Variants in PCTP observed in about 807,000 individuals in gnomAD.
PCTP encodes the protein phosphatidylcholine transfer protein, also known as START domain-containing protein 2.
A neutral mutation model predicts 31.0 loss-of-function variants in PCTP; 27 were observed. The ratio of observed to expected loss-of-function variants is 0.87; its 90% CI spans 0.64 to 1.20. PCTP has a LOEUF of 1.20. Ranked by LOEUF, PCTP falls within the 50% of genes most tolerant of loss-of-function variation. The pLI is 0.00. For synonymous variants in PCTP, 108 were observed against 101.2 expected (o/e 1.07, Z -0.40); for missense variants, 287 against 268.2 (o/e 1.07, Z -0.49).
intron 3 of PCTP, among the ~76,000 whole-genome samples, chr17:55,818,459 T>C (rs1913002547): frequency 1.3e-5 from 2 of 152,236 alleles, no homozygotes; most frequent in South Asian, 4.1e-4. Flanking sequence ...AAATTCTGGT[T>C]TTTCCACTTA....
intron 5 of PCTP, among the ~76,000 whole-genome samples, chr17:55,828,765 G>C (rs978577775): frequency 6.6e-6 from 1 of 152,164 alleles, no homozygotes; most frequent in Admixed American, 6.5e-5. Context: ...AGATGGGGGA[G>C]GGGGCAAGAT....
chr17:55,770,910 A>G, intron 2 of PCTP, 196 bp from the exon 3 acceptor site: 1 of 239,202 alleles, frequency 4.2e-6, no homozygotes, highest in Non-Finnish European at 7.8e-6. Context: ...TTTTTTTTTT[A>G]TATATAGAGA....
intron 1 of PCTP, among the ~76,000 whole-genome samples, chr17:55,763,259 A>C (rs188026363): frequency 1.1e-3 from 175 of 152,338 alleles, no homozygotes; most frequent in African/African-American, 4.0e-3. Flanking sequence ...TTGCTTTTTC[A>C]TATCAAATTG....
intron 3 of PCTP, among the ~76,000 whole-genome samples, chr17:55,799,957 G>C (rs1912319458): frequency 6.6e-6 from 1 of 152,080 alleles, no homozygotes; most frequent in Non-Finnish European, 1.5e-5. Flanking sequence ...TAGTCTGATG[G>C]GCTTCCCTTT....
chr17:55,751,514 A>G lies in PCTP; in HGVS notation c.141+270A>G, dbSNP rs183161401. 607 of 1,490,608 alleles carry G rather than the reference A, an allele frequency of 4.1e-4. 3 individuals are homozygous for G. In the African/African-American group the frequency reaches 7.7e-3, roughly 19 times the overall value. 92.3% of individuals were successfully genotyped at this position (1,490,608 alleles called of 1,614,324 possible). On this transcript the variant is annotated intron_variant, in intron 1 of 5. Transcript: ENST00000268896. The stretch of plus-strand genomic sequence containing the variant: ...CGGGGCATGTAGTTAGAAGTTAATG[A>G]CAGTTGAAACGTGGGTCAGCTGGTT...
chr17:55,843,590 A>G (rs1906054133), downstream of PCTP, among the ~76,000 whole-genome samples: 2 of 152,164 alleles, frequency 1.3e-5, no homozygotes. Flanking sequence ...CTTCCTCCGC[A>G]TAGTTCTTCT....
intron 3 of PCTP, among the ~76,000 whole-genome samples, chr17:55,801,412 T>G (rs1170983831): frequency 1.3e-5 from 2 of 152,150 alleles, no homozygotes; most frequent in Admixed American, 1.3e-4. Context: ...AGAATATACA[T>G]TCTTCTCAGC....
chr17:55,793,354 T>G (rs1912072834), intron 3 of PCTP, among the ~76,000 whole-genome samples: 1 of 152,036 alleles, frequency 6.6e-6, no homozygotes, highest in Non-Finnish European at 1.5e-5. Flanking sequence ...TCCTAACCCT[T>G]TAAATTTCAA....
downstream of PCTP, among the ~76,000 whole-genome samples, chr17:55,846,925 T>C (rs149255306): frequency 6.6e-6 from 1 of 152,348 alleles, no homozygotes; most frequent in Non-Finnish European, 1.5e-5. Context: ...CATTGAGTTC[T>C]TAGATTCCCA....
At chr17:55,778,455 T>C (rs1401807129), downstream of PCTP, among the ~76,000 whole-genome samples, 1 of 152,182 alleles carries the variant, frequency 6.6e-6, no homozygotes, top group Admixed American at 6.5e-5. Flanking sequence ...TGGGGTAGTA[T>C]ATAGTAGGCA....
At chr17:55,800,338 G>C (rs928668142) in intron 3 of PCTP, among the ~76,000 whole-genome samples, 2 of 151,512 alleles carry the variant, frequency 1.3e-5, no homozygotes, top group Non-Finnish European at 2.9e-5. Flanking sequence ...TTCAATCTCT[G>C]GTATCCTTTC....
At chr17:55,845,019 G>T (rs966875910), downstream of PCTP, among the ~76,000 whole-genome samples, 4 of 145,044 alleles carry the variant, frequency 2.8e-5, no homozygotes, top group African/African-American at 5.1e-5. Context: ...CCCGGGAGGC[G>T]GAGGTTGCAG....
At chr17:55,775,852 T>TA in intron 5 of PCTP, 183 bp from the exon 6 acceptor site, 1 of 1,342,758 alleles carries the variant, frequency 7.4e-7, no homozygotes, top group East Asian at 2.8e-5. Flanking sequence ...TGACTGGTCT[T>TA]ACTTTTGTCC....
chr17:55,788,137 T>A (rs868554614), intron 3 of PCTP, among the ~76,000 whole-genome samples: 49 of 152,230 alleles, frequency 3.2e-4, no homozygotes, highest in African/African-American at 1.1e-3. Flanking sequence ...AAGCAACAGG[T>A]TCCTTATTCT....
chr17:55,822,585 A>G (rs1369408819), intron 3 of PCTP, among the ~76,000 whole-genome samples: 1 of 152,204 alleles, frequency 6.6e-6, no homozygotes, highest in Non-Finnish European at 1.5e-5. Context: ...CAGCTCACAT[A>G]ACACAATTTA....
chr17:55,792,316 TA>T (rs963564364), intron 3 of PCTP, among the ~76,000 whole-genome samples: 6 of 129,298 alleles, frequency 4.6e-5, no homozygotes, highest in African/African-American at 6.9e-5. Context: ...TAATAATAAA[TA>T]AAAAAAAGAA....
At chr17:55,790,020 A>T (rs1911899375) in intron 3 of PCTP, among the ~76,000 whole-genome samples, 1 of 152,222 alleles carries the variant, frequency 6.6e-6, no homozygotes, top group Non-Finnish European at 1.5e-5. Context: ...AATAAATGTA[A>T]TCCAGCATAT....
chr17:55,763,161 T>C (rs1241493801), intron 1 of PCTP, among the ~76,000 whole-genome samples: 1 of 152,182 alleles, frequency 6.6e-6, no homozygotes, highest in Admixed American at 6.5e-5. Context: ...ATAAAACCGA[T>C]ATTGCAAAAG....
chr17:55,827,265 A>C (rs1905431175), downstream of PCTP, among the ~76,000 whole-genome samples: 1 of 152,172 alleles, frequency 6.6e-6, no homozygotes, highest in African/African-American at 2.4e-5. Flanking sequence ...AATCCTGCTC[A>C]GCCCCAGTGA....
Sources: allele counts gnomAD v4.1 joint callset (sites outside exome capture counted in the v4.1 genomes callset), GRCh38; gene constraint gnomAD v4.1.1; transcripts MANE v1.5; gene names NCBI Gene and HGNC (gene_info 2026-07-23, HGNC 2026-07-21).